Variants in IDO2 observed in about 807,000 individuals in gnomAD.
IDO2 encodes indoleamine 2,3-dioxygenase 2, also known as indoleamine 2,3-dioxygenase-like 1 protein.
In IDO2, 46 loss-of-function variants were observed where a neutral mutation model predicts 45.1. That is an observed-to-expected ratio of 1.02 (90% CI 0.80 to 1.30). IDO2 has a LOEUF of 1.30. Among genes scored for constraint, IDO2 ranks in the 50% most tolerant of loss-of-function variants. The probability of loss-of-function intolerance (pLI) is 0.00; values close to 1 mark genes in which losing one functional copy is unlikely to be tolerated. For missense variants in IDO2, 544 were observed against 491.8 expected, an observed-to-expected ratio of 1.11 and a Z score of -1.00; for synonymous variants, 218 against 184.9, an observed-to-expected ratio of 1.18 and a Z score of -1.45.
intron 2 of IDO2, among the ~76,000 whole-genome samples, chr8:39,957,027 A>G (rs1807914067): frequency 7.9e-6 from 1 of 126,156 alleles, no homozygotes; most frequent in Non-Finnish European, 1.6e-5. Flanking sequence ...TGGATGACAG[A>G]GTGAGACTCC....
chr8:39,944,490 T>A (rs1180256058), intron 1 of IDO2, among the ~76,000 whole-genome samples: 1 of 152,174 alleles, frequency 6.6e-6, no homozygotes, highest in Non-Finnish European at 1.5e-5. Flanking sequence ...CCATCTTGGC[T>A]CTTTCACTGG....
At chr8:40,015,731 A>G in exon 11 of IDO2, 1 of 687,544 alleles carries the variant, frequency 1.5e-6, no homozygotes, top group Non-Finnish European at 2.5e-6. Flanking sequence ...TGCTCTACAG[A>G]GCACTATATT....
At chr8:39,993,878 A>G (rs1801986775) in intron 8 of IDO2, among the ~76,000 whole-genome samples, 2 of 152,000 alleles carry the variant, frequency 1.3e-5, no homozygotes, top group Admixed American at 6.6e-5. Flanking sequence ...ATGGTGGCAC[A>G]TGCCTGCAAT....
chr8:39,963,595 A>G lies in IDO2; in HGVS notation c.100-13A>G, dbSNP rs1201219628. On this transcript the variant is annotated splice_polypyrimidine_tract_variant and intron_variant, in intron 2 of 10. Coordinates refer to ENST00000502986, the Ensembl canonical transcript of IDO2. Reference sequence around the variant, plus strand: ...AGGTCTAAAATATTTACATGTTTCTATTTTAAATGCAGAAAGAACTTCCAG... The same window carrying G: ...AGGTCTAAAATATTTACATGTTTCTGTTTTAAATGCAGAAAGAACTTCCAG... The G allele has an allele frequency of 1.3e-6, 2 of 1,551,386 alleles. No homozygotes were observed. Among genetic ancestry groups the G allele is most frequent in the African/African-American group, 1.4e-5 (1 of 73,370 alleles).
chr8:39,941,805 G>T (rs1011289522), intron 1 of IDO2, among the ~76,000 whole-genome samples: 1 of 151,938 alleles, frequency 6.6e-6, no homozygotes, highest in Non-Finnish European at 1.5e-5. Flanking sequence ...AAATGAATGG[G>T]TGGACATGGT....
rs372747175 is a variant in IDO2, at chr8:40,003,601, T to G, written c.668-1726T>G. Reference sequence around the variant, plus strand: ...AATATTAACCTTAAATCTAGCACCTTGGTAAACACTATTATTCATTCTAAT... The same window carrying G: ...AATATTAACCTTAAATCTAGCACCTGGGTAAACACTATTATTCATTCTAAT... On this transcript the variant is annotated intron_variant, in intron 8 of 10. Coordinates refer to ENST00000502986, the Ensembl canonical transcript of IDO2. Among the ~76,000 whole-genome samples the G allele has an allele frequency of 5.9e-4, 90 of 152,278 alleles. 1 individual carries two copies. The highest frequency in any genetic ancestry group is 3.4e-3 in the Middle Eastern group (1 of 294).
chr8:39,988,322 C>T (rs991279034), intron 7 of IDO2, among the ~76,000 whole-genome samples: 4 of 152,080 alleles, frequency 2.6e-5, no homozygotes, highest in Non-Finnish European at 4.4e-5. Flanking sequence ...GCCACTGCAC[C>T]GGGCCTCAAA....
At chr8:39,957,042 C>CAAAAA (rs56064306) in intron 2 of IDO2, among the ~76,000 whole-genome samples, 97 of 31,154 alleles carry the variant, frequency 3.1e-3, no homozygotes, top group East Asian at 5.8e-3. Flanking sequence ...GACTCCATCT[C>CAAAAA]AAAAAAAAAA....
At chr8:39,984,064 C>T (rs62513784) in intron 5 of IDO2, among the ~76,000 whole-genome samples, 33,992 of 147,986 alleles carry the variant, frequency 0.23, 4,678 homozygotes, top group East Asian at 0.69. Flanking sequence ...AATATATGTG[C>T]GTAATTTATT....
At chr8:39,980,668 C>A (rs558070751) in intron 4 of IDO2, among the ~76,000 whole-genome samples, 3 of 152,146 alleles carry the variant, frequency 2.0e-5, no homozygotes, top group Non-Finnish European at 4.4e-5. Context: ...TCTTGTCTCT[C>A]GGGGAAACAC....
intron 1 of IDO2, 96 bp downstream of exon 1, chr8:39,935,314 G>T: frequency 3.1e-6 from 3 of 975,470 alleles, no homozygotes; most frequent in Non-Finnish European, 4.8e-6. Flanking sequence ...GAAAATCACT[G>T]TTCTCTATTG....
intron 8 of IDO2, among the ~76,000 whole-genome samples, chr8:39,999,850 C>T (rs897680830): frequency 6.6e-6 from 1 of 152,160 alleles, no homozygotes; most frequent in African/African-American, 2.4e-5. Context: ...AATAGCCAAT[C>T]TGAGAATATT....
intron 9 of IDO2, among the ~76,000 whole-genome samples, chr8:40,010,046 G>GT (rs1426701700): frequency 5.5e-5 from 4 of 73,124 alleles, no homozygotes; most frequent in African/African-American, 2.3e-4. Flanking sequence ...GTGGGTGGGG[G>GT]GATGGACAAT....
chr8:39,998,273 T>G (rs931676642), intron 8 of IDO2: 1 of 152,306 alleles, frequency 6.6e-6, no homozygotes, highest in Non-Finnish European at 1.5e-5. Flanking sequence ...TGTTTCATTA[T>G]CCTAGTGACA....
intron 3 of IDO2, among the ~76,000 whole-genome samples, chr8:39,968,351 G>A (rs979263614): frequency 6.6e-6 from 1 of 152,164 alleles, no homozygotes; most frequent in Non-Finnish European, 1.5e-5. Flanking sequence ...GGTTACTAGA[G>A]ACAGGTAAGG....
chr8:39,974,577 G>A lies in IDO2; in HGVS notation c.196-4490G>A, dbSNP rs546805829. 2.6e-5 allele frequency among the ~76,000 whole-genome samples: 4 copies of A among 152,266 alleles called. No individual in the cohort carries two copies. The East Asian group carries it at 7.7e-4, about 29-fold the overall frequency. ...GTGGGTGGATCACCTGAGATCAGGA[G>A]TTTGAGATCATCCTGGCCAACATGG... On this transcript the variant is annotated intron_variant, in intron 3 of 10. Transcript: ENST00000502986.
chr8:39,968,298 T>A (rs1808127321), intron 3 of IDO2, among the ~76,000 whole-genome samples: 1 of 152,172 alleles, frequency 6.6e-6, no homozygotes, highest in Non-Finnish European at 1.5e-5. Context: ...TTCAAATGAC[T>A]TTTTAGAAAG....
intron 8 of IDO2, among the ~76,000 whole-genome samples, chr8:39,994,291 C>T (rs1477155551): frequency 4.2e-5 from 6 of 141,864 alleles, no homozygotes; most frequent in African/African-American, 1.6e-4. Flanking sequence ...GAGTTTCGCT[C>T]TTGTTGCCCA....
intron 4 of IDO2, 65 bp downstream of exon 4, chr8:39,979,251 C>T (rs1309117163): frequency 1.3e-6 from 2 of 1,543,286 alleles, no homozygotes; most frequent in African/African-American, 2.7e-5. Context: ...GTAACGTGCT[C>T]CCTGCTTGGT....
Sources: allele counts gnomAD v4.1 joint callset (sites outside exome capture counted in the v4.1 genomes callset), GRCh38; gene constraint gnomAD v4.1.1; transcripts MANE v1.5; gene names NCBI Gene and HGNC (gene_info 2026-07-23, HGNC 2026-07-21).